The following FLT1 variants were observed in gnomAD, a reference collection of about 807,000 sequenced individuals.
FLT1 encodes vascular endothelial growth factor receptor 1.
Under a neutral mutation model 156.3 loss-of-function variants are expected in FLT1, and 49 were observed. The ratio of observed to expected loss-of-function variants is 0.31; its 90% CI spans 0.25 to 0.40. The LOEUF is 0.40. Among genes scored for constraint, FLT1 ranks in the 10% least tolerant of loss-of-function variants. The pLI, the probability that FLT1 is intolerant of heterozygous loss-of-function variation, is 1.00. For missense variants in FLT1, 1,322 were observed against 1,637.2 expected (o/e 0.81, Z 3.32); for synonymous variants, 594 against 583.8 (o/e 1.02, Z -0.25).
intron 29 of FLT1, among the ~76,000 whole-genome samples, chr13:28,305,952 G>A (rs1050206638): frequency 1.8e-4 from 27 of 152,114 alleles, no homozygotes; most frequent in African/African-American, 4.1e-4. Context: ...TGCCTACCCC[G>A]GATTTAGGTG....
chr13:28,330,178 T>C (rs891584862), intron 18 of FLT1, among the ~76,000 whole-genome samples: 1 of 152,252 alleles, frequency 6.6e-6, no homozygotes. Context: ...GAATGGCTAC[T>C]GTTGTAAACA....
chr13:28,345,882 T>A, intron 15 of FLT1: 1 of 255,366 alleles, frequency 3.9e-6, no homozygotes, highest in South Asian at 6.2e-5. Context: ...TGGGAAAAAA[T>A]TAAGGCAGGA....
At chr13:28,326,815 G>A (rs550329804) in intron 20 of FLT1, among the ~76,000 whole-genome samples, 23 of 152,280 alleles carry the variant, frequency 1.5e-4, no homozygotes, top group Non-Finnish European at 2.6e-4. Flanking sequence ...GTAAGCCACC[G>A]TGCCTGGCCC....
intron 13 of FLT1, among the ~76,000 whole-genome samples, chr13:28,385,293 G>A (rs1356889192): frequency 6.6e-6 from 1 of 152,200 alleles, no homozygotes; most frequent in Admixed American, 6.5e-5. Flanking sequence ...CTTTTGCCTA[G>A]CTAGCTAGTT....
rs142091379 is a variant in FLT1 at position 28,321,680 on chromosome 13, A to G, written c.3052-95T>C. On this transcript the variant is annotated intron_variant, in intron 22 of 29. Coordinates refer to ENST00000282397, the MANE Select transcript of FLT1 (RefSeq NM_002019.4). ...TGTCATTATCTTAATTTGGGAATCC[A>G]TTTCACATGCTGTGAAGGGAGCACC... 8.5e-6 allele frequency: 11 copies of G among 1,298,852 alleles called. No homozygotes were observed. The African/African-American group carries it at 1.2e-4, about 14-fold the overall frequency. The allele number at this position is 1,298,852 out of a possible 1,614,324, so 80.5% of individuals were successfully genotyped here.
At chr13:28,417,228 T>C (rs1284583471) in intron 10 of FLT1, among the ~76,000 whole-genome samples, 1 of 152,148 alleles carries the variant, frequency 6.6e-6, no homozygotes, top group African/African-American at 2.4e-5. Context: ...CCAATTTTGG[T>C]TTTTATTTTT....
chr13:28,460,105 C>T (rs1292712417), intron 3 of FLT1, among the ~76,000 whole-genome samples: 1 of 152,202 alleles, frequency 6.6e-6, no homozygotes, highest in Non-Finnish European at 1.5e-5. Flanking sequence ...ATCTGCCCAA[C>T]CATCACCCAG....
At chr13:28,372,590 A>G (rs1423043549) in intron 14 of FLT1, among the ~76,000 whole-genome samples, 10 of 133,744 alleles carry the variant, frequency 7.5e-5, no homozygotes, top group African/African-American at 2.7e-4. Flanking sequence ...ATATATATAT[A>G]TATATATATA....
At chr13:28,350,743 G>A (rs1336507622) in intron 15 of FLT1, among the ~76,000 whole-genome samples, 3 of 152,056 alleles carry the variant, frequency 2.0e-5, no homozygotes, top group Non-Finnish European at 4.4e-5. Flanking sequence ...AGGTTTCATC[G>A]GGAAAGGGCA....
chr13:28,442,121 T>C (rs922994032), intron 3 of FLT1, among the ~76,000 whole-genome samples: 1 of 152,234 alleles, frequency 6.6e-6, no homozygotes, highest in African/African-American at 2.4e-5. Context: ...CAAGGGTTTC[T>C]TATCAGAATT....
intron 3 of FLT1, among the ~76,000 whole-genome samples, chr13:28,455,550 C>T (rs1175546019): frequency 6.6e-6 from 1 of 152,056 alleles, no homozygotes; most frequent in Non-Finnish European, 1.5e-5. Flanking sequence ...TAGAATATAA[C>T]AGGAGAAAAC....
At chr13:28,487,844 ATCCATATTT>A (rs1392390631) in intron 1 of FLT1, among the ~76,000 whole-genome samples, 1 of 151,986 alleles carries the variant, frequency 6.6e-6, no homozygotes, top group Non-Finnish European at 1.5e-5. Context: ...TTTCCACCAA[ATCCATATTT>A]TCCAAGACCT....
At chr13:28,387,397 C>G in intron 13 of FLT1, 1 of 1,053,572 alleles carries the variant, frequency 9.5e-7, no homozygotes, top group South Asian at 4.6e-5. Flanking sequence ...AAGGGAGGTG[C>G]GTTGAACCCA....
Position 28,459,197 on chromosome 13 carries a change from G to T in FLT1, c.388+7706C>A, listed in dbSNP as rs912520. On this transcript the variant is annotated intron_variant, in intron 3 of 29. Transcript: ENST00000282397. ...TGGGTTTCCAGACATGTCATCCAGA[G>T]ACTGAGAGTCCTACCTTTGTTCACC... Among the ~76,000 whole-genome samples the T allele has an allele frequency of 9.7e-3, 1,484 of 152,272 alleles. 56 individuals are homozygous for T. Among genetic ancestry groups the T allele is most frequent in the Admixed American group, 0.064 (973 of 15,280 alleles).
chr13:28,484,383 C>T (rs1288698278), intron 1 of FLT1, among the ~76,000 whole-genome samples: 1 of 152,174 alleles, frequency 6.6e-6, no homozygotes. Flanking sequence ...AAAGTGCTGT[C>T]CTCATGCTGT....
At chr13:28,357,403 C>T in intron 15 of FLT1, 151 bp downstream of exon 15, 1 of 821,392 alleles carries the variant, frequency 1.2e-6, no homozygotes, top group South Asian at 1.4e-5. Flanking sequence ...ACCAGACAGT[C>T]CCTTCCCGGA....
intron 15 of FLT1, among the ~76,000 whole-genome samples, chr13:28,350,867 CCTTCCTTCCTTCCCTCCTCCCTTT>C (rs1872717227): frequency 6.6e-6 from 1 of 151,538 alleles, no homozygotes; most frequent in African/African-American, 2.4e-5. Flanking sequence ...TGCTTGCCTG[CCTTCCTTCCTTCCCTCCTCCCTTT>C]CTTCCTTCCT....
At chr13:28,437,817 T>C (rs187756924) in intron 4 of FLT1, among the ~76,000 whole-genome samples, 1 of 152,252 alleles carries the variant, frequency 6.6e-6, no homozygotes, top group Admixed American at 6.5e-5. Context: ...CCAGAACATA[T>C]CGATGCCTGG....
At chr13:28,378,521 C>T (rs1477727030) in intron 14 of FLT1, among the ~76,000 whole-genome samples, 1 of 152,164 alleles carries the variant, frequency 6.6e-6, no homozygotes, top group Non-Finnish European at 1.5e-5. Context: ...GTGCAGAGTG[C>T]AGGCTTCAGA....
Sources: allele counts gnomAD v4.1 joint callset (sites outside exome capture counted in the v4.1 genomes callset), GRCh38; gene constraint gnomAD v4.1.1; transcripts MANE v1.5; gene names NCBI Gene and HGNC (gene_info 2026-07-23, HGNC 2026-07-21).